Variants in NT5C1B observed in about 807,000 individuals in gnomAD.
NT5C1B encodes cytosolic 5'-nucleotidase 1B.
A neutral mutation model predicts 57.8 loss-of-function variants in NT5C1B; 44 were observed. That is an observed-to-expected ratio of 0.76 (90% CI 0.60 to 0.98). The LOEUF is 0.98. Ranked by LOEUF, NT5C1B falls within the 50% of genes least tolerant of loss-of-function variation. The pLI, the probability that NT5C1B is intolerant of heterozygous loss-of-function variation, is 0.00. For missense variants in NT5C1B, 742 were observed against 719.5 expected (o/e 1.03, Z -0.36); for synonymous variants, 284 against 282.6 (o/e 1.00, Z -0.05).
At position 18,584,952 on chromosome 2, in the gene NT5C1B, C is replaced by A; in HGVS notation, c.285G>T (p.Arg95=). 6.5e-7 allele frequency: 1 copy of A among 1,540,164 alleles called. No homozygotes were observed. The highest frequency in any genetic ancestry group is 8.7e-7 in the Non-Finnish European group (1 of 1,150,342). Residue 95 remains arginine (R), a synonymous_variant, in exon 4 of 9, where the codon CGG becomes CGT. Transcript: ENST00000304081. This position sits in a 1 kb window ranked among gnomAD's most constrained non-coding sequence, Gnocchi z 5.8. ...GCAGGCTTGGGGAGGTGGATGGAGT[C>A]CGGGAGCTCGTGGAGCTGCTGGGGA...
chr2:18,580,318 A>C (rs1208810698), intron 6 of NT5C1B, among the ~76,000 whole-genome samples: 1 of 152,186 alleles, frequency 6.6e-6, no homozygotes, highest in African/African-American at 2.4e-5. Context: ...GTTCTACCAT[A>C]AGAATATATG....
intron 3 of NT5C1B, among the ~76,000 whole-genome samples, chr2:18,585,965 T>C (rs1390321795): frequency 6.6e-6 from 1 of 152,150 alleles, no homozygotes; most frequent in Non-Finnish European, 1.5e-5. Context: ...TTACTATTTG[T>C]TGAATGAAGG....
chr2:18,567,585 A>C (rs1664762093), intron 8 of NT5C1B, among the ~76,000 whole-genome samples: 1 of 152,204 alleles, frequency 6.6e-6, no homozygotes. Flanking sequence ...TTTGCACCCT[A>C]AGAACAAAGT....
chr2:18,568,412 A>G (rs1664851458), intron 8 of NT5C1B, among the ~76,000 whole-genome samples: 1 of 152,202 alleles, frequency 6.6e-6, no homozygotes, highest in Non-Finnish European at 1.5e-5. Flanking sequence ...GTAGATTTGT[A>G]CGACATGAAA....
intron 1 of NT5C1B, among the ~76,000 whole-genome samples, chr2:18,587,930 T>C (rs779605359): frequency 2.5e-4 from 38 of 152,216 alleles, no homozygotes; most frequent in Non-Finnish European, 5.0e-4. Flanking sequence ...TTTTTTCTAT[T>C]ACTCTGAAGA....
chr2:18,582,584 G>T (rs1666273658), intron 6 of NT5C1B, among the ~76,000 whole-genome samples: 1 of 152,194 alleles, frequency 6.6e-6, no homozygotes, highest in Non-Finnish European at 1.5e-5. Context: ...AAGTTCAGAA[G>T]TGAAAAACAT....
Position 18,583,923 on chromosome 2 carries a change from A to G in NT5C1B, c.891+165T>C, listed in dbSNP as rs1666414065. ...GGAGTCCCTTCCTCCACAGTCTGGAAGCCTGTGCGAAATCATAAACTGACC... is the reference window on the plus strand; with the variant it reads ...GGAGTCCCTTCCTCCACAGTCTGGAGGCCTGTGCGAAATCATAAACTGACC... On this transcript the variant is annotated intron_variant, in intron 5 of 8. Coordinates refer to ENST00000304081, the Ensembl canonical transcript of NT5C1B. The G allele has an allele frequency of 5.9e-6, 7 of 1,180,958 alleles. No individual in the cohort carries two copies. The South Asian group carries it at 9.0e-5, about 15-fold the overall frequency. 73.2% of individuals were successfully genotyped at this position (1,180,958 alleles called of 1,614,324 possible).
intron 8 of NT5C1B, among the ~76,000 whole-genome samples, chr2:18,574,812 A>C (rs1464244246): frequency 5.3e-5 from 8 of 152,106 alleles, no homozygotes. Context: ...TCATATGCTA[A>C]GTATTCTTAC....
At chr2:18,580,576 T>A (rs1666097873) in intron 6 of NT5C1B, among the ~76,000 whole-genome samples, 1 of 152,074 alleles carries the variant, frequency 6.6e-6, no homozygotes, top group Non-Finnish European at 1.5e-5. Context: ...GATAGCACTA[T>A]TGCACTCCAG....
At chr2:18,565,291 T>C (rs1310633952) in intron 8 of NT5C1B, among the ~76,000 whole-genome samples, 3 of 152,222 alleles carry the variant, frequency 2.0e-5, no homozygotes, top group African/African-American at 7.2e-5. Flanking sequence ...AAGTATATTA[T>C]ATGACCATTT....
chr2:18,585,439 A>G (rs1666611793), intron 3 of NT5C1B, among the ~76,000 whole-genome samples: 1 of 152,152 alleles, frequency 6.6e-6, no homozygotes, highest in Non-Finnish European at 1.5e-5. Context: ...CATTCTCACC[A>G]GAACACTCTA....
In NT5C1B at chr2:18,584,583, G is replaced by C. The variant is rs772528320; in HGVS notation, c.654C>G (p.Tyr218Ter). Reference sequence around the variant, plus strand: ...TCATGGATGCCCAGTAGGCAGCCTCGTAGTCGTCCTCGTCCTCCCGCTGCT... The same window carrying C: ...TCATGGATGCCCAGTAGGCAGCCTCCTAGTCGTCCTCGTCCTCCCGCTGCT... Residue 218 changes from tyrosine (Y) to a stop codon, truncating the protein, a stop_gained, in exon 4 of 9, where the codon TAC (tyrosine) becomes TAG (stop). Coordinates refer to ENST00000304081, the Ensembl canonical transcript of NT5C1B. LOFTEE classifies it high-confidence loss of function. This position sits in a 1 kb window ranked among gnomAD's most constrained non-coding sequence, Gnocchi z 5.8. 16 of 1,612,744 alleles carry C rather than the reference G, an allele frequency of 9.9e-6. No homozygotes were observed. Among genetic ancestry groups the C allele is most frequent in the Non-Finnish European group, 1.3e-5 (15 of 1,179,516 alleles).
chr2:18,586,791 A>G (rs1666749797), intron 2 of NT5C1B: 6 of 866,568 alleles, frequency 6.9e-6, no homozygotes, highest in Non-Finnish European at 1.0e-5. Flanking sequence ...GGTGAGGGCA[A>G]CTGGTGCCCC....
Position 18,586,458 on chromosome 2 carries a change from G to A in NT5C1B, c.121-67C>T, listed in dbSNP as rs915748124. The A allele has an allele frequency of 3.8e-6, 6 of 1,588,402 alleles. No individual in the cohort carries two copies. In the African/African-American group the frequency reaches 6.7e-5, roughly 18 times the overall value. ...ACCAACTCCTTCTATACGTGTGCCTGCAGAATAGTCATGTCAGGCTGAATA... is the reference window on the plus strand; with the variant it reads ...ACCAACTCCTTCTATACGTGTGCCTACAGAATAGTCATGTCAGGCTGAATA... On this transcript the variant is annotated intron_variant, in intron 2 of 8. Transcript: ENST00000304081.
chr2:18,587,563 C>T, exon 2 of NT5C1B: 1 of 1,613,784 alleles, frequency 6.2e-7, no homozygotes, highest in Non-Finnish European at 8.5e-7. Context: ...CTTCTAGACT[C>T]TCTTTTGAGG....
chr2:18,579,644 A>G (rs1666007496), intron 6 of NT5C1B, among the ~76,000 whole-genome samples: 1 of 152,154 alleles, frequency 6.6e-6, no homozygotes, highest in Non-Finnish European at 1.5e-5. Flanking sequence ...TTAACTCAAG[A>G]TGGATTAAAG....
At chr2:18,579,156 A>G (rs539051961) in intron 6 of NT5C1B, among the ~76,000 whole-genome samples, 1 of 152,322 alleles carries the variant, frequency 6.6e-6, no homozygotes, top group East Asian at 1.9e-4. Flanking sequence ...AAACAAATGG[A>G]AAAACATCCC....
chr2:18,563,834 T>C, exon 9 of NT5C1B: 1 of 1,591,080 alleles, frequency 6.3e-7, no homozygotes, highest in Non-Finnish European at 8.6e-7. Context: ...TAAGCTGCGA[T>C]GGAACCTAAC....
chr2:18,568,057 A>G (rs1664804828), intron 8 of NT5C1B, among the ~76,000 whole-genome samples: 1 of 151,028 alleles, frequency 6.6e-6, no homozygotes, highest in African/African-American at 2.4e-5. Flanking sequence ...AAGAGTGGGG[A>G]AAAAAGAGCA....
Sources: allele counts gnomAD v4.1 joint callset (sites outside exome capture counted in the v4.1 genomes callset), GRCh38; gene constraint gnomAD v4.1.1; non-coding constraint Gnocchi (gnomAD v3.1); transcripts MANE v1.5; gene names NCBI Gene and HGNC (gene_info 2026-07-23, HGNC 2026-07-21).